Variants in ASIC3 observed in about 807,000 individuals in gnomAD.
ASIC3 encodes the protein acid sensing ion channel subunit 3.
ASIC3 carries 46 observed loss-of-function variants against 58.6 expected under a neutral mutation model. The observed-to-expected ratio is 0.79, with a 90% CI of 0.62 to 1.00. The LOEUF (loss-of-function observed/expected upper bound fraction) is 1.00, where lower values mean the gene tolerates loss of function less well. Ranked by LOEUF, ASIC3 falls within the 50% of genes least tolerant of loss-of-function variation. The probability of loss-of-function intolerance (pLI) is 0.00; values close to 1 mark genes in which losing one functional copy is unlikely to be tolerated. For synonymous variants in ASIC3, 336 were observed against 300.2 expected, an observed-to-expected ratio of 1.12 and a Z score of -1.23; for missense variants, 770 against 735.0, an observed-to-expected ratio of 1.05 and a Z score of -0.55.
Position 151,049,019 on chromosome 7 carries a change from G to A in ASIC3, c.134G>A (p.Trp45Ter). 1 of 1,612,696 alleles carries A rather than the reference G, an allele frequency of 6.2e-7. No homozygotes were observed. Among genetic ancestry groups the A allele is most frequent in the Non-Finnish European group, 8.5e-7 (1 of 1,179,036 alleles). The part of the protein sequence containing the change: ...PGSLSLRRGM[W>*]AAAVVLSVAT... ...AGCCTGAGCCTGCGCCGGGGGATGTGGGCAGCGGCCGTGGTCCTGTCAGTG... is the reference window on the plus strand; with the variant it reads ...AGCCTGAGCCTGCGCCGGGGGATGTAGGCAGCGGCCGTGGTCCTGTCAGTG... The change falls in exon 1 of 11, where the codon TGG becomes TAG. Residue 45 changes from tryptophan (W) to a stop codon, truncating the protein, a stop_gained. Transcript: ENST00000349064. LOFTEE classifies it high-confidence loss of function.
Position 151,051,290 on chromosome 7 carries a change from G to GA in ASIC3, c.1187dup (p.Leu397AlafsTer20). 6.6e-7 allele frequency: 1 copy of GA among 1,524,140 alleles called. No individual in the cohort carries two copies. The allele number at this position is 1,524,140 out of a possible 1,614,324, so 94.4% of individuals were successfully genotyped here. On this transcript the variant is annotated frameshift_variant, in exon 6 of 11. Coordinates refer to ENST00000349064, the MANE Select transcript of ASIC3 (RefSeq NM_004769.4). LOFTEE classifies it high-confidence loss of function. ...GCGCCGCCGCGCGCTTCCTGGCCCG[G>GA]AAGCTCAACCGCAGCGAGGCCTACA...
chr7:151,049,434 C>G lies in ASIC3; in HGVS notation c.534+15C>G. 1 of 1,558,514 alleles carries G rather than the reference C, an allele frequency of 6.4e-7. No homozygotes were observed. The highest frequency in any genetic ancestry group is 1.8e-5 in the Admixed American group (1 of 57,022). ...ACTTCACCACGGTGAGCTGACCTCC[C>G]TACCTATCCTGCCAGGGACCCAGAG... On this transcript the variant is annotated intron_variant, in intron 1 of 10. Transcript: ENST00000349064.
rs769862915 is a variant in ASIC3 at position 151,050,920 on chromosome 7, C to G, written c.976C>G (p.Arg326Gly). ...RLACETRYVA[R>G]KCGCRMVYMP... is the part of the protein sequence containing the mutation. ...GGCCTGCGAAACCCGCTACGTGGCT[C>G]GGAAGTGCGGCTGCCGAATGGTGTA... Residue 326 changes from arginine to glycine, a missense_variant, in exon 4 of 11, where the codon CGG becomes GGG. Physicochemically the swap from Arg to Gly is moderately radical, Grantham distance 125. Coordinates refer to ENST00000349064, the MANE Select transcript of ASIC3 (RefSeq NM_004769.4). 3 of 1,613,504 alleles carry G rather than the reference C, an allele frequency of 1.9e-6. No homozygotes were observed. The highest frequency in any genetic ancestry group is 1.6e-4 in the Middle Eastern group (1 of 6,062).
In ASIC3 at chr7:151,052,044, C is replaced by A; in HGVS notation, c.1368C>A (p.Ile456=). The change falls in exon 8 of 11, where the codon ATC becomes ATA. Residue 456 remains isoleucine (I), a synonymous_variant. Coordinates refer to ENST00000349064, the MANE Select transcript of ASIC3 (RefSeq NM_004769.4). The surrounding 1 kb of genome is among the most constrained non-coding windows in gnomAD (Gnocchi z 5.0). ...CCAGCCTGCTCACCATCCTCGAGAT[C>A]CTAGACTACCTCTGTGAGGTGGGCC... ...IGASLLTILE[I]LDYLCEVFRD... The A allele has an allele frequency of 6.2e-7, 1 of 1,613,676 alleles. No homozygotes were observed. The highest frequency in any genetic ancestry group is 8.5e-7 in the Non-Finnish European group (1 of 1,179,890).
intron 2 of ASIC3, 39 bp downstream of exon 2, chr7:151,050,295 T>G (rs1440739582): frequency 6.3e-7 from 1 of 1,596,172 alleles, no homozygotes; most frequent in East Asian, 2.2e-5. Context: ...AGGGCACGGA[T>G]GGAGTGCAAA....
In ASIC3 at chr7:151,050,753, C is replaced by A. The variant is rs377265988; in HGVS notation, c.814-5C>A. 33 of 1,613,016 alleles carry A rather than the reference C, an allele frequency of 2.0e-5. No homozygotes were observed. Among genetic ancestry groups the A allele is most frequent in the African/African-American group, 2.7e-5 (2 of 74,862 alleles). On this transcript the variant is annotated splice_region_variant and splice_polypyrimidine_tract_variant and intron_variant, in intron 3 of 10. Coordinates refer to ENST00000349064, the MANE Select transcript of ASIC3 (RefSeq NM_004769.4). Reference sequence around the variant, plus strand: ...GGAAGCCTCCTTAACCCTGTCCCCCCACAGCTGAGCTTCCTGCCACCGCCC... The same window carrying A: ...GGAAGCCTCCTTAACCCTGTCCCCCAACAGCTGAGCTTCCTGCCACCGCCC...
chr7:151,048,346 C>G (rs894633874), upstream of ASIC3: 8 of 154,288 alleles, frequency 5.2e-5, no homozygotes, highest in African/African-American at 1.7e-4. Flanking sequence ...CAGGCCCAAT[C>G]TACCTCTGGG....
In ASIC3 at chr7:151,052,121, G is replaced by C. The variant is rs996329840; in HGVS notation, c.1387-45G>C. On this transcript the variant is annotated intron_variant, in intron 8 of 10. Transcript: ENST00000349064. This position sits in a 1 kb window ranked among gnomAD's most constrained non-coding sequence, Gnocchi z 5.0. ...GTGGGAATCAGGGCCCCTAGGATGA[G>C]GGGGAAGGTGTGCACTGGCCACCTC... 1.2e-6 allele frequency: 2 copies of C among 1,613,744 alleles called. No individual in the cohort carries two copies. Among genetic ancestry groups the C allele is most frequent in the South Asian group, 2.2e-5 (2 of 91,086 alleles).
At chr7:151,051,737 C>T in intron 6 of ASIC3, 73 bp from the exon 7 acceptor site, 1 of 1,503,632 alleles carries the variant, frequency 6.7e-7, no homozygotes, top group Non-Finnish European at 9.2e-7. Context: ...GTGGGAGAAC[C>T]CACAGCTGCT....
rs937119820 is a variant in ASIC3, at chr7:151,051,998, A to C, written c.1322A>C (p.Gln441Pro). ...MSELLGDIGG[Q>P]MGLFIGASLL... ...GTCTCCACAGGTGACATTGGGGGCCAGATGGGGCTGTTCATCGGGGCCAGC... is the reference window on the plus strand; with the variant it reads ...GTCTCCACAGGTGACATTGGGGGCCCGATGGGGCTGTTCATCGGGGCCAGC... The change falls in exon 8 of 11, where the codon CAG becomes CCG. Residue 441 changes from glutamine (Q) to proline (P), a missense_variant. Physicochemically the swap from Gln to Pro is moderately conservative, Grantham distance 76. Transcript: ENST00000349064. The C allele has an allele frequency of 2.5e-6, 4 of 1,613,102 alleles. No homozygotes were observed. The highest frequency in any genetic ancestry group is 1.7e-5 in the Admixed American group (1 of 59,988).
chr7:151,051,804 C>T lies in ASIC3; in HGVS notation c.1215-6C>T, dbSNP rs1232634090. 1.9e-6 allele frequency: 3 copies of T among 1,612,944 alleles called. No individual in the cohort carries two copies. The highest frequency in any genetic ancestry group is 1.7e-5 in the Admixed American group (1 of 60,022). ...AGCCCACATTTGAGGCCATTCTTGT[C>T]CTCAGGGAGAACGTGCTGGCCCTGG... On this transcript the variant is annotated splice_polypyrimidine_tract_variant and splice_region_variant and intron_variant, in intron 6 of 10. Transcript: ENST00000349064.
In ASIC3 at chr7:151,051,229, A is replaced by G. The variant is rs909436137; in HGVS notation, c.1124A>G (p.Tyr375Cys). The change falls in exon 6 of 11, where the codon TAC becomes TGC. Residue 375 changes from tyrosine to cysteine, a missense_variant. Tyr to Cys is a radical substitution (Grantham distance 194). Coordinates refer to ENST00000349064, the MANE Select transcript of ASIC3 (RefSeq NM_004769.4). ...CCCAACCCGTGCGCCAGCACGCGCT[A>G]CGCCAAGGAGCTCTCCATGGTGCGG... ...ACPNPCASTR[Y>C]AKELSMVRIP... The G allele has an allele frequency of 1.9e-6, 3 of 1,574,728 alleles. No individual in the cohort carries two copies. The African/African-American group carries it at 4.0e-5, about 21-fold the overall frequency.
intron 5 of ASIC3, 35 bp downstream of exon 5, chr7:151,051,130 CG>C: frequency 6.2e-7 from 1 of 1,601,220 alleles, no homozygotes; most frequent in Non-Finnish European, 8.5e-7. Context: ...CCGTCCGCCC[CG>C]CTCCGCCCGC....
At chr7:151,050,331 GGAGGT>G in intron 2 of ASIC3, 75 bp downstream of exon 2, 1 of 1,566,350 alleles carries the variant, frequency 6.4e-7, no homozygotes, top group Non-Finnish European at 8.7e-7. Flanking sequence ...GAGGAGGAGA[GGAGGT>G]GTCAGGGTGT....
Position 151,052,672 on chromosome 7 carries a change from G to T in ASIC3, c.*20G>T. 1 of 1,613,984 alleles carries T rather than the reference G, an allele frequency of 6.2e-7. No homozygotes were observed. The highest frequency in any genetic ancestry group is 1.1e-5 in the South Asian group (1 of 91,070). On this transcript the variant is annotated 3_prime_UTR_variant, in exon 11 of 11. Transcript: ENST00000349064. This position sits in a 1 kb window ranked among gnomAD's most constrained non-coding sequence, Gnocchi z 5.0. ...CTCTAGACCTGCTGTCTGTGTCCTCGGAGCCCCGCCCTGACATCCTGGACA... is the reference window on the plus strand; with the variant it reads ...CTCTAGACCTGCTGTCTGTGTCCTCTGAGCCCCGCCCTGACATCCTGGACA...
chr7:151,052,529 G>A lies in ASIC3; in HGVS notation c.1518-45G>A. The A allele has an allele frequency of 6.2e-7, 1 of 1,613,776 alleles. No individual in the cohort carries two copies. The highest frequency in any genetic ancestry group is 2.2e-5 in the East Asian group (1 of 44,882). On this transcript the variant is annotated intron_variant, in intron 10 of 10. Transcript: ENST00000349064. This position sits in a 1 kb window ranked among gnomAD's most constrained non-coding sequence, Gnocchi z 5.0. ...GGAGGGCAGGGGCAGGCTCAGGACAGTGGGTGTGCCCGTTCCCACCCCAGC... is the reference window on the plus strand; with the variant it reads ...GGAGGGCAGGGGCAGGCTCAGGACAATGGGTGTGCCCGTTCCCACCCCAGC...
chr7:151,050,720 G>T (rs549763020), intron 3 of ASIC3, 38 bp from the exon 4 acceptor site: 2 of 1,607,280 alleles, frequency 1.2e-6, no homozygotes, highest in Non-Finnish European at 1.7e-6. Context: ...GGCCTCTCAC[G>T]CTCTCCGGGA....
Position 151,050,594 on chromosome 7 carries a change from T to G in ASIC3, c.799T>G (p.Cys267Gly), listed in dbSNP as rs1409540279. The change falls in exon 3 of 11, where the codon TGC (cysteine) becomes GGC (glycine). Residue 267 changes from cysteine to glycine, a missense_variant. Transcript: ENST00000349064. ...VSPGYQTFVS[C>G]QQQQLSFLPP... ...CCCGGGCTACCAGACCTTTGTTTCTTGCCAGCAGCAGCAGGTACCCTTCCG... is the reference window on the plus strand; with the variant it reads ...CCCGGGCTACCAGACCTTTGTTTCTGGCCAGCAGCAGCAGGTACCCTTCCG... 2 of 1,614,028 alleles carry G rather than the reference T, an allele frequency of 1.2e-6. No homozygotes were observed. Among genetic ancestry groups the G allele is most frequent in the Non-Finnish European group, 1.7e-6 (2 of 1,179,960 alleles).
Position 151,052,440 on chromosome 7 carries a change from C to T in ASIC3, c.1483C>T (p.Arg495Ter), listed in dbSNP as rs374555174. The T allele has an allele frequency of 6.8e-6, 11 of 1,614,086 alleles. No individual in the cohort carries two copies. Among genetic ancestry groups the T allele is most frequent in the Non-Finnish European group, 5.9e-6 (7 of 1,179,986 alleles). The change falls in exon 10 of 11, where the codon CGA becomes TGA. Residue 495 changes from arginine (R) to a stop codon, truncating the protein, a stop_gained. Transcript: ENST00000349064. LOFTEE classifies it high-confidence loss of function. This position sits in a 1 kb window ranked among gnomAD's most constrained non-coding sequence, Gnocchi z 5.0. ...GCTTCAGGAAGGGCTGGGCAGCCAT[C>T]GAACCCAAGTTCCCCACCTCAGCCT... The part of the protein sequence containing the change: ...NLLQEGLGSH[R>*]TQVPHLSLGP...
Sources: gnomAD v4.1 joint callset for allele counts on GRCh38, gnomAD v4.1.1 for gene constraint, Gnocchi (gnomAD v3.1) non-coding constraint, MANE v1.5 for transcripts, NCBI Gene and HGNC (gene_info 2026-07-23, HGNC 2026-07-21) for gene names.